Variants in CA10 observed in about 807,000 individuals in gnomAD.
CA10 encodes the protein carbonic anhydrase-related protein 10.
CA10 carries 14 observed loss-of-function variants against 44.2 expected under a neutral mutation model. That is an observed-to-expected ratio of 0.32 (90% CI 0.21 to 0.50). The LOEUF (loss-of-function observed/expected upper bound fraction) is 0.50, where lower values mean the gene tolerates loss of function less well. Ranked by LOEUF, CA10 falls within the 20% of genes least tolerant of loss-of-function variation. The probability of loss-of-function intolerance (pLI) is 0.99; values close to 1 mark genes in which losing one functional copy is unlikely to be tolerated. For missense variants in CA10, 350 were observed against 409.7 expected, an observed-to-expected ratio of 0.85 and a Z score of 1.26; for synonymous variants, 159 against 141.6, an observed-to-expected ratio of 1.12 and a Z score of -0.87.
intron 8 of CA10, 113 bp from the exon 9 acceptor site, chr17:51,631,719 T>C: frequency 1.1e-6 from 1 of 874,452 alleles, no homozygotes; most frequent in Non-Finnish European, 1.9e-6. Context: ...GGGACTGTTT[T>C]GTAAATGCCT....
rs189533960 is a variant in CA10, at chr17:52,134,058, A to G, written c.61+23668T>C. On this transcript the variant is annotated intron_variant, in intron 1 of 8. Coordinates refer to ENST00000451037, the MANE Select transcript of CA10 (RefSeq NM_020178.5). ...AAGGTAGCATAATAAAAGGCTGTAA[A>G]GCAGAATGTTTCAAAGAGCTGTTCC... Among the ~76,000 whole-genome samples the G allele has an allele frequency of 3.3e-3, 502 of 152,344 alleles. 2 individuals carry two copies. Among genetic ancestry groups the G allele is most frequent in the African/African-American group, 0.011 (478 of 41,580 alleles).
chr17:51,693,919 C>A (rs1023546801), intron 4 of CA10, among the ~76,000 whole-genome samples: 4 of 151,992 alleles, frequency 2.6e-5, no homozygotes, highest in African/African-American at 9.7e-5. Flanking sequence ...AGAAATTCAC[C>A]CCCGGCTGGA....
chr17:52,124,614 T>C (rs912449433), intron 1 of CA10, among the ~76,000 whole-genome samples: 4 of 152,256 alleles, frequency 2.6e-5, no homozygotes, highest in Non-Finnish European at 5.9e-5. Context: ...CTGACTTTCC[T>C]GCTTTTTTCT....
intron 1 of CA10, among the ~76,000 whole-genome samples, chr17:52,135,725 T>C (rs1989342800): frequency 6.6e-6 from 1 of 152,164 alleles, no homozygotes; most frequent in Non-Finnish European, 1.5e-5. Context: ...AATCTTGTCA[T>C]TCTTCAGTTG....
chr17:52,008,799 T>G (rs1335757575), intron 2 of CA10, among the ~76,000 whole-genome samples: 1 of 151,914 alleles, frequency 6.6e-6, no homozygotes, highest in Non-Finnish European at 1.5e-5. Flanking sequence ...TGATCCTGCT[T>G]TTGAATACCT....
At chr17:51,917,775 T>A (rs1158306686) in intron 3 of CA10, among the ~76,000 whole-genome samples, 3 of 152,148 alleles carry the variant, frequency 2.0e-5, no homozygotes, top group African/African-American at 7.2e-5. Flanking sequence ...AATTACCTCC[T>A]GCCAGGCCCT....
intron 2 of CA10, among the ~76,000 whole-genome samples, chr17:51,950,722 CT>C (rs1983449870): frequency 2.0e-5 from 3 of 152,156 alleles, no homozygotes; most frequent in Non-Finnish European, 4.4e-5. Context: ...TTCGTGCACT[CT>C]CCTCAGACAT....
At chr17:51,769,812 T>A (rs1243541968) in intron 3 of CA10, among the ~76,000 whole-genome samples, 2 of 152,126 alleles carry the variant, frequency 1.3e-5, no homozygotes, top group Non-Finnish European at 2.9e-5. Flanking sequence ...AGAGGGGATA[T>A]AAGAGAAGCC....
At position 51,630,575 on chromosome 17, in the gene CA10, A is replaced by ATGAT. The variant is rs1178979941; in HGVS notation, c.*1005_*1008dup. 5.9e-5 allele frequency: 9 copies of ATGAT among 152,640 alleles called. No individual in the cohort carries two copies. Among genetic ancestry groups the ATGAT allele is most frequent in the African/African-American group, 1.7e-4 (7 of 41,454 alleles). 9.5% of individuals were successfully genotyped at this position (152,640 alleles called of 1,614,324 possible). ...TCAGGCTGAAGCTCACCTCATGTGA[A>ATGAT]TGATTGAGCCATGGAGTGGAATTAA... On this transcript the variant is annotated 3_prime_UTR_variant, in exon 9 of 9. Transcript: ENST00000451037.
At chr17:51,797,294 G>A (rs1363614243) in intron 3 of CA10, among the ~76,000 whole-genome samples, 1 of 152,192 alleles carries the variant, frequency 6.6e-6, no homozygotes, top group Non-Finnish European at 1.5e-5. Context: ...GACTTCCCAC[G>A]GTCAGGCTTC....
intron 4 of CA10, among the ~76,000 whole-genome samples, chr17:51,704,361 A>G (rs930308627): frequency 3.9e-5 from 6 of 152,244 alleles, no homozygotes; most frequent in African/African-American, 1.4e-4. Flanking sequence ...TACAAGCACA[A>G]GGCGTTAAGT....
intron 1 of CA10, among the ~76,000 whole-genome samples, chr17:52,121,196 C>T (rs148707588): frequency 1.2e-4 from 19 of 152,326 alleles, no homozygotes; most frequent in Admixed American, 1.2e-3. Flanking sequence ...CACCTCCTCT[C>T]TTGCAGACGT....
chr17:52,026,431 G>A (rs1254664006), intron 2 of CA10, among the ~76,000 whole-genome samples: 1 of 152,068 alleles, frequency 6.6e-6, no homozygotes, highest in Non-Finnish European at 1.5e-5. Context: ...CAGAGACCTA[G>A]AGTTTTCAAA....
chr17:52,003,195 A>C (rs955341575), intron 2 of CA10, among the ~76,000 whole-genome samples: 8 of 151,930 alleles, frequency 5.3e-5, no homozygotes, highest in Middle Eastern at 3.2e-3. Flanking sequence ...CCCTTGCCAC[A>C]GATAACCTGA....
At chr17:52,008,249 G>A (rs977592738) in intron 2 of CA10, among the ~76,000 whole-genome samples, 2 of 151,614 alleles carry the variant, frequency 1.3e-5, no homozygotes, top group East Asian at 1.9e-4. Context: ...AAAGAAAGTC[G>A]ATAAAATCAA....
chr17:51,725,914 G>A (rs75950866), intron 4 of CA10, among the ~76,000 whole-genome samples: 2,459 of 152,146 alleles, frequency 0.016, 82 homozygotes, highest in African/African-American at 0.057. Flanking sequence ...GACCCTCTAG[G>A]TACAAAAAAA....
At chr17:51,688,614 T>C (rs1915085951) in intron 4 of CA10, among the ~76,000 whole-genome samples, 1 of 152,208 alleles carries the variant, frequency 6.6e-6, no homozygotes, top group African/African-American at 2.4e-5. Flanking sequence ...ATTCTTGTTT[T>C]ATATTATTAT....
chr17:51,732,556 A>G (rs988692844), intron 4 of CA10, among the ~76,000 whole-genome samples: 2 of 152,202 alleles, frequency 1.3e-5, no homozygotes, highest in African/African-American at 4.8e-5. Context: ...TGTGGCAGAC[A>G]TCTTTTAGGG....
chr17:52,116,077 C>T (rs956129584), intron 1 of CA10, among the ~76,000 whole-genome samples: 11 of 136,786 alleles, frequency 8.0e-5, no homozygotes, highest in African/African-American at 1.2e-4. Flanking sequence ...GGCAACTCAG[C>T]GAGACTCTGT....
Sources: allele counts gnomAD v4.1 joint callset (sites outside exome capture counted in the v4.1 genomes callset), GRCh38; gene constraint gnomAD v4.1.1; transcripts MANE v1.5; gene names NCBI Gene and HGNC (gene_info 2026-07-23, HGNC 2026-07-21).